Variants in BCORL1 observed in about 807,000 individuals in gnomAD.
BCORL1 encodes BCL6 corepressor like 1, also known as BCL-6 corepressor-like protein 1.
In BCORL1, 7 loss-of-function variants were observed where a neutral mutation model predicts 87.6. The ratio of observed to expected loss-of-function variants is 0.08; its 90% CI spans 0.05 to 0.15. BCORL1 has a LOEUF of 0.15. Ranked by LOEUF, BCORL1 falls within the 10% of genes least tolerant of loss-of-function variation. The pLI, the probability that BCORL1 is intolerant of heterozygous loss-of-function variation, is 1.00. For synonymous variants in BCORL1, 591 were observed against 634.4 expected (o/e 0.93, Z 1.03); for missense variants, 1,215 against 1,499.7 (o/e 0.81, Z 3.13).
At position 130,013,160 on chromosome X, in the gene BCORL1, G is replaced by A. The variant is rs145630843; in HGVS notation, c.388G>A (p.Ala130Thr). Residue 130 changes from alanine to threonine, a missense_variant, in exon 4 of 14, where the codon GCC becomes ACC. Transcript: ENST00000540052. ...DGLKLPASDSAEASNSRADCS... is the reference protein window; with the variant it reads ...DGLKLPASDSTEASNSRADCS... ...GCTCAAGCTTCCCGCATCTGACAGCGCCGAGGCCAGCAACAGCAGGGCCGA... is the reference window on the plus strand; with the variant it reads ...GCTCAAGCTTCCCGCATCTGACAGCACCGAGGCCAGCAACAGCAGGGCCGA... 35 of 1,210,137 alleles carry A rather than the reference G, an allele frequency of 2.9e-5. No homozygotes were observed. In the South Asian group the frequency reaches 3.3e-4, roughly 12 times the overall value.
chrX:129,984,011 G>C (rs1419072844), intron 1 of BCORL1, among the ~76,000 whole-genome samples: 4 of 105,384 alleles, frequency 3.8e-5, no homozygotes, highest in Admixed American at 1.0e-4. Flanking sequence ...GTGAGGGACG[G>C]ACAGCAGGCC....
intron 7 of BCORL1, 112 bp downstream of exon 7, chrX:130,025,491 G>C: frequency 1.4e-6 from 1 of 721,379 alleles, no homozygotes; most frequent in Non-Finnish European, 2.0e-6. Flanking sequence ...CCGGTGCTAT[G>C]ATCTCCAGCT....
At chrX:129,983,719 G>T (rs900860843) in intron 1 of BCORL1, among the ~76,000 whole-genome samples, 10 of 107,586 alleles carry the variant, frequency 9.3e-5, no homozygotes, top group Admixed American at 2.9e-4. Flanking sequence ...CCGCCGGGCC[G>T]GGCGCGGCGG....
chrX:130,015,134 G>A lies in BCORL1; in HGVS notation c.2362G>A (p.Ala788Thr). ...AAGCACAGTGAAACGATATACTCCA[G>A]CCCGCATTGCCCCTGGGCTGCCAGG... ...QPSTVKRYTP[A>T]RIAPGLPGCQ... Residue 788 changes from alanine to threonine, a missense_variant, in exon 4 of 14, where the codon GCC becomes ACC. By Grantham distance (58) the Ala-to-Thr change is moderately conservative (BLOSUM62 0). This residue lies in a region of BCORL1 where 861 missense variants were observed against 1,010.0 expected (regional missense o/e 0.85). Coordinates refer to ENST00000540052, the MANE Select transcript of BCORL1 (RefSeq NM_001379451.1). The A allele has an allele frequency of 8.2e-7, 1 of 1,212,235 alleles. No individual in the cohort carries two copies. The highest frequency in any genetic ancestry group is 1.1e-6 in the Non-Finnish European group (1 of 895,619).
intron 10 of BCORL1, among the ~76,000 whole-genome samples, chrX:130,037,911 TAAAG>T (rs2124534154): frequency 9.0e-6 from 1 of 111,199 alleles, no homozygotes; most frequent in African/African-American, 3.3e-5. Flanking sequence ...AATAAAAAAA[TAAAG>T]ACCTTACCTC....
At chrX:129,985,936 G>A (rs1410741748) in intron 1 of BCORL1, among the ~76,000 whole-genome samples, 1 of 109,981 alleles carries the variant, frequency 9.1e-6, no homozygotes, top group African/African-American at 3.3e-5. Context: ...TGTAACCTCC[G>A]CCTCCTGGGT....
intron 13 of BCORL1, among the ~76,000 whole-genome samples, chrX:130,052,842 CTA>C (rs1276924286): frequency 1.8e-5 from 2 of 112,646 alleles, no homozygotes; most frequent in African/African-American, 6.5e-5. Context: ...AATGTCAACT[CTA>C]TGTTAAAATC....
intron 1 of BCORL1, among the ~76,000 whole-genome samples, chrX:130,003,458 T>C (rs1928231070): frequency 9.3e-6 from 1 of 108,079 alleles, no homozygotes; most frequent in Admixed American, 1.0e-4. Context: ...CCGCAACCTC[T>C]GCCTCCTGGG....
chrX:130,041,207 C>CA (rs1239157172), intron 11 of BCORL1, among the ~76,000 whole-genome samples: 2 of 83,822 alleles, frequency 2.4e-5, no homozygotes, highest in Non-Finnish European at 4.4e-5. Flanking sequence ...CTTGTCTCTA[C>CA]AAAAAAATTT....
intron 11 of BCORL1, among the ~76,000 whole-genome samples, chrX:130,043,772 ATATATATATATATTTT>A (rs1164714585): frequency 5.0e-5 from 1 of 19,967 alleles, no homozygotes; most frequent in African/African-American, 3.8e-4. Context: ...ATATATATAT[ATATATATATATATTTT>A]TTTTTTTTTT....
intron 8 of BCORL1, among the ~76,000 whole-genome samples, chrX:130,030,413 C>G (rs1416188189): frequency 2.7e-5 from 3 of 111,489 alleles, no homozygotes; most frequent in Middle Eastern, 4.6e-3. Flanking sequence ...GGGAGGTAGG[C>G]ACCTTTATTA....
At chrX:130,003,353 C>CTTG (rs1389993086) in intron 1 of BCORL1, among the ~76,000 whole-genome samples, 2 of 94,526 alleles carry the variant, frequency 2.1e-5, no homozygotes, top group African/African-American at 9.4e-5. Flanking sequence ...CCTCCTCCTC[C>CTTG]TTCTTCTTCT....
rs373749929 is a variant in BCORL1 at position 130,052,012 on chromosome X, C to T, written c.5071C>T (p.Arg1691Cys). 39 of 1,189,124 alleles carry T rather than the reference C, an allele frequency of 3.3e-5. No homozygotes were observed. The highest frequency in any genetic ancestry group is 4.8e-4 in the Middle Eastern group (2 of 4,165). Reference protein sequence around the residue: ...PCYNLQVSVSRGPCNWFLFSD... With the variant: ...PCYNLQVSVSCGPCNWFLFSD... ...CTACAACCTCCAAGTGTCAGTGTCCCGCGGGTAAGTGTCCGAGAGATCCAC... is the reference window on the plus strand; with the variant it reads ...CTACAACCTCCAAGTGTCAGTGTCCTGCGGGTAAGTGTCCGAGAGATCCAC... Residue 1691 changes from arginine to cysteine, a missense_variant, in exon 13 of 14, where the codon CGC (arginine) becomes TGC (cysteine). Physicochemically the swap from Arg to Cys is radical, Grantham distance 180 (BLOSUM62 -3). This residue lies in a region of BCORL1 where 129 missense variants were observed against 157.5 expected (regional missense o/e 0.82). Coordinates refer to ENST00000540052, the MANE Select transcript of BCORL1 (RefSeq NM_001379451.1).
At chrX:129,991,157 C>T (rs1048356437) in intron 1 of BCORL1, among the ~76,000 whole-genome samples, 1 of 110,859 alleles carries the variant, frequency 9.0e-6, no homozygotes. Context: ...GTTCTTGTTG[C>T]CCAGGCTGGA....
At chrX:130,008,646 C>G (rs984609478) in intron 2 of BCORL1, among the ~76,000 whole-genome samples, 4 of 112,043 alleles carry the variant, frequency 3.6e-5, no homozygotes, top group African/African-American at 1.3e-4. Context: ...GCCGCTACAG[C>G]CTAGACCATG....
intron 7 of BCORL1, 121 bp downstream of exon 7, chrX:130,025,500 C>G: frequency 1.5e-6 from 1 of 656,377 alleles, no homozygotes; most frequent in Non-Finnish European, 2.2e-6. Context: ...TGATCTCCAG[C>G]TGCCAGAGGG....
intron 1 of BCORL1, among the ~76,000 whole-genome samples, chrX:129,997,073 G>A (rs1442596555): frequency 9.0e-6 from 1 of 111,065 alleles, no homozygotes; most frequent in Admixed American, 9.7e-5. Context: ...TGTGAAATCT[G>A]CATGTTTTGG....
chrX:130,026,437 G>A (rs1461673145), intron 7 of BCORL1, among the ~76,000 whole-genome samples: 1 of 112,732 alleles, frequency 8.9e-6, no homozygotes, highest in Non-Finnish European at 1.9e-5. Context: ...ATGTGACAGA[G>A]TGGGAACAAT....
intron 7 of BCORL1, 118 bp downstream of exon 7, chrX:130,025,497 C>T: frequency 5.8e-6 from 4 of 686,972 alleles, no homozygotes; most frequent in Non-Finnish European, 8.5e-6. Flanking sequence ...CTATGATCTC[C>T]AGCTGCCAGA....
Sources: gnomAD v4.1 joint callset for allele counts (sites outside exome capture counted in the v4.1 genomes callset) on GRCh38, gnomAD v4.1.1 for gene constraint, gnomAD v4.1.1 regional missense constraint, MANE v1.5 for transcripts, NCBI Gene and HGNC (gene_info 2026-07-23, HGNC 2026-07-21) for gene names.